CACHD1: variants seen among roughly 807,000 people sequenced by gnomAD.
The protein encoded by CACHD1 is VWFA and cache domain-containing protein 1.
CACHD1 carries 71 observed loss-of-function variants against 138.7 expected under a neutral mutation model. The observed-to-expected ratio is 0.51, with a 90% CI of 0.42 to 0.62. The LOEUF (loss-of-function observed/expected upper bound fraction) is 0.62, where lower values mean the gene tolerates loss of function less well. Among genes scored for constraint, CACHD1 ranks in the 20% least tolerant of loss-of-function variants. The pLI is 0.00. For synonymous variants in CACHD1, 578 were observed against 591.5 expected (o/e 0.98, Z 0.33); for missense variants, 1,389 against 1,625.3 (o/e 0.85, Z 2.50).
intron 8 of CACHD1, among the ~76,000 whole-genome samples, chr1:64,643,816 C>T (rs11208487): frequency 0.13 from 19,239 of 152,000 alleles, 2,267 homozygotes; most frequent in East Asian, 0.43. Context: ...CCAGCCTGGG[C>T]GACAGAGCAA....
At chr1:64,595,104 T>C (rs554143519) in intron 3 of CACHD1, among the ~76,000 whole-genome samples, 102 of 152,356 alleles carry the variant, frequency 6.7e-4, no homozygotes, top group African/African-American at 2.3e-3. Context: ...TGTGTGCTGG[T>C]AGATGGAACC....
At chr1:64,643,747 A>T (rs1211379395) in intron 8 of CACHD1, among the ~76,000 whole-genome samples, 2 of 152,208 alleles carry the variant, frequency 1.3e-5, no homozygotes, top group Non-Finnish European at 2.9e-5. Context: ...CTGAGGCAGG[A>T]GAAAGGCTAG....
chr1:64,571,842 A>G (rs929281108), intron 2 of CACHD1, among the ~76,000 whole-genome samples: 1 of 152,108 alleles, frequency 6.6e-6, no homozygotes, highest in Non-Finnish European at 1.5e-5. Context: ...TTGTGACAAG[A>G]TATTATTTGC....
chr1:64,661,078 G>T (rs1372764947), intron 13 of CACHD1, among the ~76,000 whole-genome samples: 2 of 152,092 alleles, frequency 1.3e-5, no homozygotes, highest in Non-Finnish European at 2.9e-5. Flanking sequence ...GGGCATCTTA[G>T]TTAGGATCAG....
intron 1 of CACHD1, among the ~76,000 whole-genome samples, chr1:64,487,293 C>T (rs891560792): frequency 6.6e-6 from 1 of 152,116 alleles, no homozygotes; most frequent in Non-Finnish European, 1.5e-5. Flanking sequence ...CTGGTTTTGC[C>T]TGTAGTAAAA....
intron 1 of CACHD1, among the ~76,000 whole-genome samples, chr1:64,546,640 C>T (rs1646720460): frequency 6.6e-6 from 1 of 152,130 alleles, no homozygotes; most frequent in Non-Finnish European, 1.5e-5. Context: ...AGTGGCTGAT[C>T]ATTTTCATGT....
Position 64,475,215 on chromosome 1 carries a change from G to A in CACHD1, c.198+4273G>A, listed in dbSNP as rs567296377. 1.6e-4 allele frequency among the ~76,000 whole-genome samples: 18 copies of A among 113,146 alleles called. 1 individual carries two copies. The South Asian group carries it at 3.8e-3, about 24-fold the overall frequency. 74.2% of individuals were successfully genotyped at this position (113,146 alleles called of 152,430 possible). A position where few individuals can be genotyped will look rare whatever the true frequency, so the allele number is the denominator to read the frequency against. On this transcript the variant is annotated intron_variant, in intron 1 of 26. Transcript: ENST00000651257. ...TCTTAAGAGACAGGATCTTTGCTCT[G>A]TCACCTAGGCTGGAGTGCAGTGATG...
chr1:64,561,534 G>GT (rs1402952364), intron 2 of CACHD1, among the ~76,000 whole-genome samples: 1 of 152,006 alleles, frequency 6.6e-6, no homozygotes, highest in Admixed American at 6.6e-5. Context: ...AATCCTCTTA[G>GT]TTTTTTATTA....
chr1:64,669,850 G>A (rs1649759221), intron 16 of CACHD1, among the ~76,000 whole-genome samples: 1 of 152,170 alleles, frequency 6.6e-6, no homozygotes, highest in South Asian at 2.1e-4. Context: ...TTATACAAGA[G>A]AAGTTTAGAA....
intron 1 of CACHD1, among the ~76,000 whole-genome samples, chr1:64,478,700 A>G (rs1646191154): frequency 6.6e-6 from 1 of 152,192 alleles, no homozygotes; most frequent in Non-Finnish European, 1.5e-5. Flanking sequence ...TGGGATCTAG[A>G]GTACACCCAG....
chr1:64,648,095 C>A, intron 9 of CACHD1, 61 bp downstream of exon 9: 2 of 1,274,754 alleles, frequency 1.6e-6, no homozygotes, highest in Non-Finnish European at 2.2e-6. Flanking sequence ...ATAGAAATGG[C>A]ACCTCTTTCT....
At position 64,664,702 on chromosome 1, in the gene CACHD1, A is replaced by T. The variant is rs755343937; in HGVS notation, c.2276+23A>T. Reference sequence around the variant, plus strand: ...ATGGTGAGTTTTAGGGGCTTCCGTTATCAAAGGTTCTCCCCCAAATCCTGG... The same window carrying T: ...ATGGTGAGTTTTAGGGGCTTCCGTTTTCAAAGGTTCTCCCCCAAATCCTGG... On this transcript the variant is annotated intron_variant, in intron 15 of 26. Transcript: ENST00000651257. 6 of 1,607,704 alleles carry T rather than the reference A, an allele frequency of 3.7e-6. No homozygotes were observed. In the East Asian group the frequency reaches 1.3e-4, roughly 36 times the overall value.
At chr1:64,515,674 TC>T (rs776302143) in intron 1 of CACHD1, among the ~76,000 whole-genome samples, 2 of 152,192 alleles carry the variant, frequency 1.3e-5, no homozygotes, top group African/African-American at 2.4e-5. Context: ...GCTTGTTAGC[TC>T]CCTAGCTGCC....
At chr1:64,537,634 A>G (rs757649807) in intron 1 of CACHD1, among the ~76,000 whole-genome samples, 2 of 152,200 alleles carry the variant, frequency 1.3e-5, no homozygotes, top group East Asian at 3.9e-4. Context: ...GGCTTCAGAA[A>G]TGCTGATTTG....
intron 2 of CACHD1, among the ~76,000 whole-genome samples, chr1:64,554,094 C>T (rs576358758): frequency 3.7e-4 from 56 of 152,248 alleles, no homozygotes; most frequent in East Asian, 9.6e-4. Flanking sequence ...TGCAGTGGCA[C>T]GATCATTGCC....
chr1:64,536,832 C>T lies in CACHD1; in HGVS notation c.199-13762C>T, dbSNP rs542193209. 2.6e-5 allele frequency among the ~76,000 whole-genome samples: 4 copies of T among 152,142 alleles called. No individual in the cohort carries two copies. The South Asian group carries it at 6.2e-4, about 24-fold the overall frequency. ...AACAGTATACCAGATGCTGTCTTAG[C>T]TGGTCATGCCATTTAATTTGAAGAG... On this transcript the variant is annotated intron_variant, in intron 1 of 26. Coordinates refer to ENST00000651257, the MANE Select transcript of CACHD1 (RefSeq NM_020925.4).
intron 1 of CACHD1, among the ~76,000 whole-genome samples, chr1:64,499,020 T>C (rs1265415714): frequency 1.3e-5 from 2 of 152,206 alleles, no homozygotes; most frequent in African/African-American, 4.8e-5. Context: ...GTAGTATACA[T>C]TCTTGAAGTA....
chr1:64,539,605 T>G (rs1646661699), intron 1 of CACHD1, among the ~76,000 whole-genome samples: 1 of 152,206 alleles, frequency 6.6e-6, no homozygotes, highest in Non-Finnish European at 1.5e-5. Flanking sequence ...CAGGCCAATG[T>G]GTAGTGAGTC....
intron 1 of CACHD1, among the ~76,000 whole-genome samples, chr1:64,546,717 C>G (rs1244779141): frequency 6.6e-6 from 1 of 152,090 alleles, no homozygotes; most frequent in African/African-American, 2.4e-5. Context: ...AATCTTTACC[C>G]TGAAGTCACA....
Sources: allele counts gnomAD v4.1 joint callset (sites outside exome capture counted in the v4.1 genomes callset), GRCh38; gene constraint gnomAD v4.1.1; transcripts MANE v1.5; gene names NCBI Gene and HGNC (gene_info 2026-07-23, HGNC 2026-07-21).